PCDH15: variants seen among roughly 807,000 people sequenced by gnomAD.
PCDH15 encodes protocadherin-15.
Under a neutral mutation model 178.5 loss-of-function variants are expected in PCDH15, and 129 were observed. That is an observed-to-expected ratio of 0.72 (90% CI 0.63 to 0.84). The LOEUF is 0.84. PCDH15 is among the 40% of genes least tolerant of loss of function. The pLI is 0.00. For synonymous variants in PCDH15, 800 were observed against 732.0 expected, an observed-to-expected ratio of 1.09 and a Z score of -1.50; for missense variants, 2,230 against 2,099.9, an observed-to-expected ratio of 1.06 and a Z score of -1.21.
rs867786605 is a variant in PCDH15, at chr10:54,892,480, A to T, written c.-29+4970T>A. ...AGTAAAGTAAAAAAATGCAAAAAAA[A>T]TTCTCACAAATCAAAAGAAAAGAGT... On this transcript the variant is annotated intron_variant, in intron 3 of 5. Transcript: ENST00000458638. Among the ~76,000 whole-genome samples the T allele has an allele frequency of 3.5e-4, 53 of 152,090 alleles. 1 individual carries two copies. The highest frequency in any genetic ancestry group is 1.2e-3 in the African/African-American group (50 of 41,538).
chr10:54,490,893 C>T (rs894520279), intron 3 of PCDH15, among the ~76,000 whole-genome samples: 12 of 152,138 alleles, frequency 7.9e-5, no homozygotes, highest in Non-Finnish European at 1.8e-4. Flanking sequence ...AAGTCAGATA[C>T]TGAAGTAATG....
intron 25 of PCDH15, among the ~76,000 whole-genome samples, chr10:53,924,105 C>T (rs763803152): frequency 4.1e-4 from 62 of 152,196 alleles, no homozygotes; most frequent in Non-Finnish European, 5.9e-4. Flanking sequence ...CTTCAGCCCG[C>T]GGCTGCACTG....
chr10:54,106,269 T>G (rs2094916300), intron 15 of PCDH15, among the ~76,000 whole-genome samples: 1 of 152,182 alleles, frequency 6.6e-6, no homozygotes, highest in African/African-American at 2.4e-5. Flanking sequence ...GATTTTAGGG[T>G]AAATGAATTA....
intron 3 of PCDH15, among the ~76,000 whole-genome samples, chr10:54,431,623 T>C (rs1956979852): frequency 6.6e-6 from 1 of 152,144 alleles, no homozygotes; most frequent in Non-Finnish European, 1.5e-5. Context: ...ATAAAAGCTA[T>C]ATATAACAGA....
intron 1 of PCDH15, among the ~76,000 whole-genome samples, chr10:55,296,187 T>C (rs1843127132): frequency 6.6e-6 from 1 of 152,184 alleles, no homozygotes; most frequent in Non-Finnish European, 1.5e-5. Context: ...AACACCTCCA[T>C]TGTTCACCAA....
chr10:54,959,962 A>C (rs2131882977), intron 2 of PCDH15, among the ~76,000 whole-genome samples: 1 of 152,230 alleles, frequency 6.6e-6, no homozygotes, highest in Middle Eastern at 3.4e-3. Context: ...TGCACACAGA[A>C]AGGCTGGGAA....
At chr10:55,056,397 G>A (rs1454864868) in intron 2 of PCDH15, among the ~76,000 whole-genome samples, 1 of 151,856 alleles carries the variant, frequency 6.6e-6, no homozygotes, top group Non-Finnish European at 1.5e-5. Context: ...TACCTTGTAA[G>A]TTTTTGTACC....
intron 1 of PCDH15, among the ~76,000 whole-genome samples, chr10:55,277,274 C>T (rs770482911): frequency 1.3e-5 from 2 of 151,874 alleles, no homozygotes; most frequent in Non-Finnish European, 2.9e-5. Flanking sequence ...TGCAACCCAG[C>T]CAGTCTTTTT....
At chr10:55,382,488 A>C (rs995953330) in intron 2 of PCDH15, among the ~76,000 whole-genome samples, 3 of 152,184 alleles carry the variant, frequency 2.0e-5, no homozygotes, top group African/African-American at 4.8e-5. Context: ...CACAAGCCAA[A>C]GAATGCAGGT....
At chr10:53,996,344 T>C (rs11003981) in intron 20 of PCDH15, among the ~76,000 whole-genome samples, 50,982 of 152,070 alleles carry the variant, frequency 0.34, 10,373 homozygotes, top group Middle Eastern at 0.56. Flanking sequence ...GAAAACAATG[T>C]TAATTTACTG....
At chr10:55,407,275 T>A (rs1375047725) in intron 2 of PCDH15, among the ~76,000 whole-genome samples, 2 of 152,104 alleles carry the variant, frequency 1.3e-5, no homozygotes, top group African/African-American at 4.8e-5. Context: ...TGATCTCACA[T>A]CAGAAAAATA....
At position 54,098,290 on chromosome 10, in the gene PCDH15, T is replaced by C. The variant is rs571402034; in HGVS notation, c.1918-8227A>G. 7.3e-5 allele frequency among the ~76,000 whole-genome samples: 11 copies of C among 151,690 alleles called. No individual in the cohort carries two copies. The South Asian group carries it at 2.3e-3, about 32-fold the overall frequency. ...GGTTAAACACATTCCAAAAGACTGT[T>C]AGGGAACAGTTTGTTCTGGGCACAC... On this transcript the variant is annotated intron_variant, in intron 15 of 37. Coordinates refer to ENST00000644397, the MANE Select transcript of PCDH15 (RefSeq NM_001384140.1).
intron 2 of PCDH15, among the ~76,000 whole-genome samples, chr10:55,552,423 C>A (rs1325966752): frequency 6.6e-6 from 1 of 151,376 alleles, no homozygotes; most frequent in Admixed American, 6.6e-5. Flanking sequence ...CTATTATTTT[C>A]TTGTGGGTTA....
chr10:54,744,658 G>A (rs1189397849), intron 1 of PCDH15, among the ~76,000 whole-genome samples: 1 of 152,084 alleles, frequency 6.6e-6, no homozygotes, highest in East Asian at 1.9e-4. Context: ...ATGGGAGGTG[G>A]TGAAAAGATA....
In PCDH15 at chr10:55,359,743, TATATACAC is replaced by T. The variant is rs773417126; in HGVS notation, c.-155-193100_-155-193093del. 3.6e-3 allele frequency among the ~76,000 whole-genome samples: 423 copies of T among 117,804 alleles called. 1 individual carries two copies. Among genetic ancestry groups the T allele is most frequent in the Admixed American group, 6.4e-3 (69 of 10,736 alleles). The allele number at this position is 117,804 out of a possible 152,430, so 77.3% of individuals were successfully genotyped here. Reference sequence around the variant, plus strand: ...GTGTATATATATATATATATATATATATATACACACACACACACACACACACACATATA... The same window carrying T: ...GTGTATATATATATATATATATATATACACACACACACACACACACATATA... On this transcript the variant is annotated intron_variant, in intron 2 of 5. Coordinates refer to the PCDH15 transcript ENST00000613346.
At chr10:54,505,762 T>C (rs2081117265) in intron 3 of PCDH15, among the ~76,000 whole-genome samples, 1 of 152,056 alleles carries the variant, frequency 6.6e-6, no homozygotes, top group East Asian at 1.9e-4. Context: ...AAACTGCACG[T>C]TCTGCACGTG....
At chr10:54,604,707 G>A (rs566610218) in intron 2 of PCDH15, among the ~76,000 whole-genome samples, 5 of 151,958 alleles carry the variant, frequency 3.3e-5, no homozygotes, top group East Asian at 1.9e-4. Context: ...AGTTAATATC[G>A]TGTGATTGGG....
chr10:55,544,199 C>CATATAT (rs1841830191), intron 2 of PCDH15, among the ~76,000 whole-genome samples: 1 of 109,824 alleles, frequency 9.1e-6, no homozygotes, highest in Non-Finnish European at 1.9e-5. Flanking sequence ...TACATATATG[C>CATATAT]ATATATGTAG....
Position 54,256,943 on chromosome 10 carries a change from TA to T in PCDH15, c.877-20013del, listed in dbSNP as rs1564803292. Among the ~76,000 whole-genome samples the T allele has an allele frequency of 3.3e-5, 5 of 152,184 alleles. No individual in the cohort carries two copies. The South Asian group carries it at 1.0e-3, about 32-fold the overall frequency. ...CTGAAATGTAAGCTCCCTGAAGCAG[TA>T]AAATAACAATGTCTATATCCCTAGT... On this transcript the variant is annotated intron_variant, in intron 8 of 37. Coordinates refer to ENST00000644397, the MANE Select transcript of PCDH15 (RefSeq NM_001384140.1).
Sources: allele counts gnomAD v4.1 joint callset (sites outside exome capture counted in the v4.1 genomes callset), GRCh38; gene constraint gnomAD v4.1.1; transcripts MANE v1.5; gene names NCBI Gene and HGNC (gene_info 2026-07-23, HGNC 2026-07-21).